The following LMF1 variants were observed in gnomAD, a reference collection of about 807,000 sequenced individuals.
The protein encoded by LMF1 is lipase maturation factor 1.
LMF1 carries 68 observed loss-of-function variants against 60.6 expected under a neutral mutation model. That is an observed-to-expected ratio of 1.12 (90% confidence interval 0.92 to 1.37). The LOEUF (loss-of-function observed/expected upper bound fraction) is 1.37. Ranked by LOEUF, LMF1 falls within the 40% of genes most tolerant of loss-of-function variation. The pLI is 0.00. For synonymous variants in LMF1, 418 were observed against 324.7 expected (o/e 1.29, Z -3.09); for missense variants, 948 against 767.2 (o/e 1.24, Z -2.78).
At chr16:942,491 G>C (rs557704623) in intron 2 of LMF1, among the ~76,000 whole-genome samples, 1 of 151,754 alleles carries the variant, frequency 6.6e-6, no homozygotes. Flanking sequence ...TCTCTCTGTG[G>C]GGCTCCAATC....
intron 10 of LMF1, chr16:854,978 G>T: frequency 3.6e-6 from 2 of 550,222 alleles, no homozygotes; most frequent in South Asian, 4.0e-5. Flanking sequence ...GGGCCCACTT[G>T]GCAGAGGGAC....
chr16:898,766 C>T (rs1446234071), intron 4 of LMF1, among the ~76,000 whole-genome samples: 1 of 152,226 alleles, frequency 6.6e-6, no homozygotes, highest in Non-Finnish European at 1.5e-5. Flanking sequence ...GAAGTTGCTG[C>T]CCTAGTCACC....
chr16:953,230 C>T (rs1256170458), intron 2 of LMF1, among the ~76,000 whole-genome samples: 18 of 55,508 alleles, frequency 3.2e-4, no homozygotes, highest in African/African-American at 8.2e-4. Context: ...CCAAACCAGC[C>T]TCCTACATGT....
At chr16:875,029 G>C (rs1385057618) in intron 6 of LMF1, among the ~76,000 whole-genome samples, 1 of 152,158 alleles carries the variant, frequency 6.6e-6, no homozygotes, top group East Asian at 1.9e-4. Flanking sequence ...CTTCCAAGGG[G>C]GGACGCCAGG....
chr16:948,796 G>C (rs532027887), intron 2 of LMF1, among the ~76,000 whole-genome samples: 5 of 139,414 alleles, frequency 3.6e-5, no homozygotes, highest in African/African-American at 5.4e-5. Context: ...CAGAGCCAAC[G>C]ACAGAGTCAG....
At chr16:979,111 C>G (rs1162766230) in intron 1 of LMF1, 1 of 453,570 alleles carries the variant, frequency 2.2e-6, no homozygotes, top group African/African-American at 2.0e-5. Flanking sequence ...GGGAAAGTGC[C>G]TGGCACACAG....
At chr16:901,334 CT>C (rs2070807122) in intron 4 of LMF1, 1 of 151,498 alleles carries the variant, frequency 6.6e-6, no homozygotes, top group Non-Finnish European at 1.5e-5. Context: ...CCCTCTGCCC[CT>C]GTGCAGGTGG....
intron 5 of LMF1, among the ~76,000 whole-genome samples, chr16:882,013 C>G (rs966409157): frequency 3.3e-5 from 5 of 152,132 alleles, no homozygotes; most frequent in African/African-American, 1.2e-4. Context: ...CAAGCGTCCC[C>G]GTGGGAAGCG....
intron 10 of LMF1, among the ~76,000 whole-genome samples, chr16:868,511 C>T (rs2069675239): frequency 6.6e-6 from 1 of 152,198 alleles, no homozygotes; most frequent in African/African-American, 2.4e-5. Flanking sequence ...GGCGAGGCTG[C>T]AGGGCCCACA....
chr16:976,347 G>C (rs1350057237), intron 1 of LMF1: 2 of 454,128 alleles, frequency 4.4e-6, no homozygotes, highest in East Asian at 1.4e-4. Context: ...GCTGCGATCT[G>C]TAGTCCAGGT....
Position 947,980 on chromosome 16 carries a change from T to C in LMF1, c.503+6377A>G, listed in dbSNP as rs76656403. On this transcript the variant is annotated intron_variant, in intron 2 of 10. Coordinates refer to ENST00000262301, the MANE Select transcript of LMF1 (RefSeq NM_022773.4). ...CAGAGCCAACGACAGAGTCAGCCAATGACAGAGTCAGAGCCAACGACAGAG... is the reference window on the plus strand; with the variant it reads ...CAGAGCCAACGACAGAGTCAGCCAACGACAGAGTCAGAGCCAACGACAGAG... Among the ~76,000 whole-genome samples the C allele has an allele frequency of 4.8e-3, 422 of 88,290 alleles. 1 individual carries two copies. Among genetic ancestry groups the C allele is most frequent in the Admixed American group, 9.4e-3 (81 of 8,646 alleles). The allele number at this position is 88,290 out of a possible 152,430, so 57.9% of individuals were successfully genotyped here.
rs1276354355 is a variant in LMF1 at position 870,016 on chromosome 16, T to G, written c.1283A>C (p.Asn428Thr). The change falls in exon 9 of 11, where the codon AAC becomes ACC. Residue 428 changes from asparagine to threonine, a missense_variant. Coordinates refer to ENST00000262301, the MANE Select transcript of LMF1 (RefSeq NM_022773.4). ...CCACATGGCATCGGGGGCGCTGGCG[T>G]TGGAGCTGGCTGTGCCCTGCAGGAT... ...EVILQGTASSNASAPDAMWED... is the reference protein window; with the variant it reads ...EVILQGTASSTASAPDAMWED... 5 of 1,612,654 alleles carry G rather than the reference T, an allele frequency of 3.1e-6. No individual in the cohort carries two copies. Among genetic ancestry groups the G allele is most frequent in the Non-Finnish European group, 4.2e-6 (5 of 1,179,814 alleles).
intron 3 of LMF1, among the ~76,000 whole-genome samples, chr16:924,448 C>CA (rs771364179): frequency 6.6e-6 from 1 of 152,194 alleles, no homozygotes; most frequent in Non-Finnish European, 1.5e-5. Flanking sequence ...CTTCAGGCCA[C>CA]ACTGGCCACA....
At chr16:888,141 C>T (rs552371777) in intron 5 of LMF1, among the ~76,000 whole-genome samples, 138 of 152,028 alleles carry the variant, frequency 9.1e-4, no homozygotes, top group African/African-American at 3.1e-3. Context: ...GGCCCGGCCT[C>T]GGCCCAAGCC....
At chr16:981,343 A>AGT (rs1567354240), upstream of LMF1, 55 of 232,990 alleles carry the variant, frequency 2.4e-4, no homozygotes, top group East Asian at 2.1e-3. Context: ...AGAGAGAGAG[A>AGT]GAGAGTGTGT....
chr16:971,164 C>G (rs996037777), upstream of LMF1, among the ~76,000 whole-genome samples: 1 of 152,322 alleles, frequency 6.6e-6, no homozygotes, highest in Non-Finnish European at 1.5e-5. Flanking sequence ...CGCGCGGGAG[C>G]GGGTGCCCGG....
intron 3 of LMF1, among the ~76,000 whole-genome samples, chr16:913,808 C>A (rs555959790): frequency 6.9e-6 from 1 of 145,572 alleles, no homozygotes; most frequent in East Asian, 2.0e-4. Context: ...CTGCAGCCAC[C>A]GGAGGCGTGG....
chr16:934,896 C>A (rs1159398691), intron 2 of LMF1, among the ~76,000 whole-genome samples: 1 of 152,204 alleles, frequency 6.6e-6, no homozygotes, highest in Non-Finnish European at 1.5e-5. Flanking sequence ...TACCCTTGGG[C>A]TCTAGAAGAA....
At chr16:892,723 C>T (rs2044783410) in intron 5 of LMF1, among the ~76,000 whole-genome samples, 1 of 152,200 alleles carries the variant, frequency 6.6e-6, no homozygotes, top group Admixed American at 6.5e-5. Context: ...GGCCCGGAGG[C>T]CTGGGCAGGA....
Sources: allele counts gnomAD v4.1 joint callset (sites outside exome capture counted in the v4.1 genomes callset), GRCh38; gene constraint gnomAD v4.1.1; transcripts MANE v1.5; gene names NCBI Gene and HGNC (gene_info 2026-07-23, HGNC 2026-07-21).